Variants in STAG1 observed in about 807,000 individuals in gnomAD.
STAG1 encodes cohesin subunit SA-1.
A neutral mutation model predicts 170.9 loss-of-function variants in STAG1; 26 were observed. That is an observed-to-expected ratio of 0.15 (90% CI 0.11 to 0.21). The LOEUF is 0.21. STAG1 is among the 10% of genes least tolerant of loss of function. STAG1 has a pLI of 1.00. For synonymous variants in STAG1, 514 were observed against 497.7 expected, an observed-to-expected ratio of 1.03 and a Z score of -0.44; for missense variants, 964 against 1,509.5, an observed-to-expected ratio of 0.64 and a Z score of 5.99.
intron 2 of STAG1, among the ~76,000 whole-genome samples, chr3:136,629,727 G>T (rs1029417524): frequency 2.6e-5 from 4 of 152,104 alleles, no homozygotes; most frequent in Admixed American, 2.6e-4. Flanking sequence ...GTATGTAAAT[G>T]AACTGAGTAG....
chr3:136,688,072 T>A (rs1942597336), intron 1 of STAG1, among the ~76,000 whole-genome samples: 1 of 152,022 alleles, frequency 6.6e-6, no homozygotes, highest in Non-Finnish European at 1.5e-5. Flanking sequence ...GGTCCAAGCA[T>A]CTTGGGATGA....
chr3:136,522,784 G>A (rs1576560352), intron 6 of STAG1, among the ~76,000 whole-genome samples: 1 of 140,424 alleles, frequency 7.1e-6, no homozygotes, highest in African/African-American at 2.7e-5. Context: ...TGTTCTCACT[G>A]TTCAACTCCC....
At chr3:136,343,378 T>C (rs1936080234) in intron 30 of STAG1, among the ~76,000 whole-genome samples, 2 of 152,232 alleles carry the variant, frequency 1.3e-5, no homozygotes, top group African/African-American at 2.4e-5. Flanking sequence ...ATCTTAAAAA[T>C]TCTTAATCCA....
intron 23 of STAG1, among the ~76,000 whole-genome samples, chr3:136,375,245 T>C (rs1020326074): frequency 2.0e-5 from 3 of 152,200 alleles, no homozygotes; most frequent in African/African-American, 7.2e-5. Flanking sequence ...TTTAATTATA[T>C]AGAGACTTTG....
At chr3:136,638,453 T>C (rs1454753478) in intron 1 of STAG1, among the ~76,000 whole-genome samples, 1 of 152,122 alleles carries the variant, frequency 6.6e-6, no homozygotes, top group Non-Finnish European at 1.5e-5. Flanking sequence ...ATATTCTTAA[T>C]GCTTGAAACC....
In STAG1 at chr3:136,565,023, C is replaced by A. The variant is rs796869608; in HGVS notation, c.394+3742G>T. Among the ~76,000 whole-genome samples, 187 of 45,976 alleles carry A rather than the reference C, an allele frequency of 4.1e-3. 3 individuals are homozygous for A. The highest frequency in any genetic ancestry group is 4.1e-3 in the African/African-American group (36 of 8,874). 30.2% of individuals were successfully genotyped at this position (45,976 alleles called of 152,430 possible). ...GAAGGAAGGAAGGAAGGCAGGCAGGCAGGCAGGCAGGCAGGCAGAAGGGAG... is the reference window on the plus strand; with the variant it reads ...GAAGGAAGGAAGGAAGGCAGGCAGGAAGGCAGGCAGGCAGGCAGAAGGGAG... On this transcript the variant is annotated intron_variant, in intron 5 of 33. Coordinates refer to ENST00000383202, the MANE Select transcript of STAG1 (RefSeq NM_005862.3).
At chr3:136,462,315 G>C (rs1031264564) in intron 13 of STAG1, among the ~76,000 whole-genome samples, 1 of 152,140 alleles carries the variant, frequency 6.6e-6, no homozygotes, top group African/African-American at 2.4e-5. Flanking sequence ...CGTTTGAATG[G>C]ATAAACAAAT....
At chr3:136,695,791 C>T (rs76953609) in intron 1 of STAG1, among the ~76,000 whole-genome samples, 9,362 of 147,354 alleles carry the variant, frequency 0.064, 429 homozygotes, top group Non-Finnish European at 0.096. Flanking sequence ...GAGTTCAATC[C>T]GAAAGAGACT....
chr3:136,598,181 A>G (rs1329615876), intron 4 of STAG1, among the ~76,000 whole-genome samples: 1 of 152,156 alleles, frequency 6.6e-6, no homozygotes, highest in East Asian at 1.9e-4. Flanking sequence ...ATTTGGGTTT[A>G]GTTGACCTTC....
At chr3:136,522,239 T>C (rs963562527) in intron 6 of STAG1, among the ~76,000 whole-genome samples, 1 of 152,228 alleles carries the variant, frequency 6.6e-6, no homozygotes. Context: ...AATGAGGCCT[T>C]GAGCTCTACT....
chr3:136,738,750 ATGTATATTGGATACT>A (rs1280871311), intron 1 of STAG1, among the ~76,000 whole-genome samples: 4 of 152,228 alleles, frequency 2.6e-5, no homozygotes, highest in Non-Finnish European at 5.9e-5. Context: ...GTTAATAGCA[ATGTATATTGGATACT>A]TGAAAATGCT....
intron 1 of STAG1, chr3:136,736,491 G>C (rs1934341772): frequency 6.7e-6 from 9 of 1,341,560 alleles, no homozygotes; most frequent in Non-Finnish European, 9.6e-6. Context: ...GACCCCGGGT[G>C]GTCATTCACG....
chr3:136,622,965 C>A (rs867425048), intron 3 of STAG1, among the ~76,000 whole-genome samples, 181 bp downstream of exon 3: 5 of 152,206 alleles, frequency 3.3e-5, no homozygotes, highest in Non-Finnish European at 7.3e-5. Flanking sequence ...AATCATACTA[C>A]AATCATCTCC....
chr3:136,532,885 C>T (rs1236620607), intron 6 of STAG1, among the ~76,000 whole-genome samples: 1 of 152,126 alleles, frequency 6.6e-6, no homozygotes, highest in African/African-American at 2.4e-5. Context: ...TTTTACAAGT[C>T]TTATTCAACA....
intron 1 of STAG1, among the ~76,000 whole-genome samples, chr3:136,740,039 T>C (rs1228604649): frequency 6.6e-6 from 1 of 152,178 alleles, no homozygotes; most frequent in African/African-American, 2.4e-5. Context: ...GCTTTTTCTT[T>C]TCTTTGTGAA....
intron 9 of STAG1, among the ~76,000 whole-genome samples, chr3:136,498,838 A>T (rs1240320166): frequency 6.6e-6 from 1 of 152,214 alleles, no homozygotes; most frequent in African/African-American, 2.4e-5. Flanking sequence ...CACTGAACAT[A>T]AAAGCCCTGG....
chr3:136,540,673 T>C (rs1318735555), intron 6 of STAG1, among the ~76,000 whole-genome samples: 3 of 151,458 alleles, frequency 2.0e-5, no homozygotes, highest in Non-Finnish European at 4.4e-5. Context: ...AATACAAAAA[T>C]TAGCTGGGCG....
At chr3:136,720,441 A>G (rs1300129807) in intron 1 of STAG1, among the ~76,000 whole-genome samples, 1 of 152,202 alleles carries the variant, frequency 6.6e-6, no homozygotes, top group African/African-American at 2.4e-5. Flanking sequence ...CAGATCTGCT[A>G]TAGTGAAGAC....
chr3:136,665,089 A>G (rs886749273), intron 1 of STAG1, among the ~76,000 whole-genome samples: 2 of 152,196 alleles, frequency 1.3e-5, no homozygotes, highest in Admixed American at 6.5e-5. Flanking sequence ...AATGTCTATT[A>G]CTGTCCCAAC....
Sources: gnomAD v4.1 joint callset for allele counts (sites outside exome capture counted in the v4.1 genomes callset) on GRCh38, gnomAD v4.1.1 for gene constraint, MANE v1.5 for transcripts, NCBI Gene and HGNC (gene_info 2026-07-23, HGNC 2026-07-21) for gene names.